SLC25A48: variants seen among roughly 807,000 people sequenced by gnomAD.
SLC25A48 encodes the protein CTC-321K16.1.
In SLC25A48, 29 loss-of-function variants were observed where a neutral mutation model predicts 32.2. The ratio of observed to expected loss-of-function variants is 0.90; its 90% confidence interval spans 0.67 to 1.23. The LOEUF (loss-of-function observed/expected upper bound fraction) is 1.23, where lower values mean the gene tolerates loss of function less well. SLC25A48 is among the 50% of genes most tolerant of loss of function. SLC25A48 has a pLI of 0.00. For missense variants in SLC25A48, 399 were observed against 422.7 expected (o/e 0.94, Z 0.49); for synonymous variants, 164 against 172.3 (o/e 0.95, Z 0.38).
At chr5:135,724,469 C>T (rs746557827) in intron 3 of SLC25A48, among the ~76,000 whole-genome samples, 9 of 152,202 alleles carry the variant, frequency 5.9e-5, no homozygotes, top group East Asian at 3.9e-4. Context: ...GTCTAAAGCT[C>T]GCAAGATGGG....
chr5:135,758,608 A>G lies in SLC25A48; in HGVS notation c.-520-53915A>G, dbSNP rs371826556. ...GAATAATATCTAGTGTTAACACACTATTATATTAATATGATATCATCTATG... is the reference window on the plus strand; with the variant it reads ...GAATAATATCTAGTGTTAACACACTGTTATATTAATATGATATCATCTATG... On this transcript the variant is annotated intron_variant, in intron 3 of 10. Transcript: ENST00000646290. Among the ~76,000 whole-genome samples the G allele has an allele frequency of 4.5e-4, 68 of 150,852 alleles. 1 individual carries two copies. In the South Asian group the frequency reaches 0.014, roughly 31 times the overall value.
intron 3 of SLC25A48, among the ~76,000 whole-genome samples, chr5:135,667,697 G>A (rs1428959722): frequency 1.3e-5 from 2 of 152,068 alleles, no homozygotes; most frequent in African/African-American, 4.8e-5. Context: ...CCTCTTCTTG[G>A]TTGACAGCAT....
intron 3 of SLC25A48, among the ~76,000 whole-genome samples, chr5:135,646,215 G>T (rs560337694): frequency 1.3e-5 from 2 of 152,232 alleles, no homozygotes; most frequent in Non-Finnish European, 2.9e-5. Flanking sequence ...GGTGTTGGTG[G>T]CATTCTCACT....
At chr5:135,801,541 T>C (rs1391789235) in intron 3 of SLC25A48, among the ~76,000 whole-genome samples, 1 of 151,112 alleles carries the variant, frequency 6.6e-6, no homozygotes. Flanking sequence ...AAGAAGATGA[T>C]ATTACTTCTT....
At chr5:135,814,817 G>A (rs1459929827) in intron 4 of SLC25A48, among the ~76,000 whole-genome samples, 2 of 152,322 alleles carry the variant, frequency 1.3e-5, no homozygotes, top group African/African-American at 4.8e-5. Flanking sequence ...ACAAGTCATC[G>A]TTTGTCTCAG....
chr5:135,864,053 T>C (rs184687479), intron 4 of SLC25A48, among the ~76,000 whole-genome samples: 13 of 152,152 alleles, frequency 8.5e-5, no homozygotes, highest in African/African-American at 1.4e-4. Context: ...GGGCCAGGAT[T>C]TGAGGTGAAG....
intron 3 of SLC25A48, among the ~76,000 whole-genome samples, chr5:135,715,850 T>G (rs1216111863): frequency 6.6e-6 from 1 of 152,202 alleles, no homozygotes; most frequent in African/African-American, 2.4e-5. Flanking sequence ...AGACCTGGCT[T>G]GACCAAGGTG....
intron 3 of SLC25A48, among the ~76,000 whole-genome samples, chr5:135,792,099 G>A (rs766346999): frequency 2.7e-4 from 41 of 151,512 alleles, no homozygotes; most frequent in Non-Finnish European, 5.2e-4. Context: ...GTGGGTGTAC[G>A]CCAAGTGTGT....
intron 3 of SLC25A48, chr5:135,652,396 G>GATTCACAAA: frequency 2.2e-6 from 1 of 456,164 alleles, no homozygotes. Context: ...ACCATCCATG[G>GATTCACAAA]ATTCACAAAA....
In SLC25A48 at chr5:135,874,102, A is replaced by T. The variant is rs560441620; in HGVS notation, c.761A>T (p.Tyr254Phe). ...LQADGVYLNK[Y>F]KGVLDCISQS... ...GCTGATGGGGTTTATTTAAACAAAT[A>T]TAAAGGTGTCCTGGACTGTATCTCC... Residue 254 changes from tyrosine to phenylalanine, a missense_variant, in exon 6 of 8, where the codon TAT (tyrosine) becomes TTT (phenylalanine). By Grantham distance (22) the Tyr-to-Phe change is conservative. Transcript: ENST00000681962. The T allele has an allele frequency of 6.6e-7, 1 of 1,521,206 alleles. No homozygotes were observed. Among genetic ancestry groups the T allele is most frequent in the South Asian group, 1.2e-5 (1 of 81,114 alleles). 94.2% of individuals were successfully genotyped at this position (1,521,206 alleles called of 1,614,324 possible).
At chr5:135,653,865 A>T (rs923882452) in intron 3 of SLC25A48, 21 of 456,116 alleles carry the variant, frequency 4.6e-5, no homozygotes, top group African/African-American at 2.6e-4. Flanking sequence ...TTGTTCCAGG[A>T]ATTGTATAGC....
intron 3 of SLC25A48, among the ~76,000 whole-genome samples, chr5:135,808,355 A>G (rs1229399100): frequency 1.3e-5 from 2 of 151,890 alleles, no homozygotes; most frequent in African/African-American, 4.8e-5. Flanking sequence ...ATCTGATAAT[A>G]TTAATTATAT....
rs1054091159 is a variant in SLC25A48, at chr5:135,604,562, C to T, written c.-848-24675C>T. ...TCTTTGGCAGTTTTTGCCTCTGGTT[C>T]CCTATGAATAGTCTGTTTCAGTGGG... On this transcript the variant is annotated intron_variant, in intron 1 of 10. Transcript: ENST00000646290. Among the ~76,000 whole-genome samples, 6 of 152,292 alleles carry T rather than the reference C, an allele frequency of 3.9e-5. No individual in the cohort carries two copies. In the South Asian group the frequency reaches 1.2e-3, roughly 32 times the overall value.
intron 3 of SLC25A48, among the ~76,000 whole-genome samples, chr5:135,715,093 C>A (rs1179479594): frequency 1.3e-5 from 2 of 152,070 alleles, no homozygotes; most frequent in Non-Finnish European, 2.9e-5. Flanking sequence ...CCTGGAGGCC[C>A]CAAGAAGGCT....
chr5:135,855,757 A>T (rs963960947), intron 4 of SLC25A48, among the ~76,000 whole-genome samples: 1 of 152,192 alleles, frequency 6.6e-6, no homozygotes, highest in Admixed American at 6.5e-5. Flanking sequence ...ATACGCATGT[A>T]TGTCTCATCC....
chr5:135,787,864 T>C (rs922269652), intron 3 of SLC25A48, among the ~76,000 whole-genome samples: 1 of 151,946 alleles, frequency 6.6e-6, no homozygotes, highest in Non-Finnish European at 1.5e-5. Flanking sequence ...ATTTTACTCC[T>C]AATGTCACAA....
intron 3 of SLC25A48, among the ~76,000 whole-genome samples, chr5:135,774,588 C>A (rs1329636029): frequency 6.6e-6 from 1 of 151,772 alleles, no homozygotes; most frequent in African/African-American, 2.4e-5. Flanking sequence ...CGGTTATACA[C>A]CCCTCTTCTG....
intron 4 of SLC25A48, among the ~76,000 whole-genome samples, chr5:135,867,508 C>T (rs1172521040): frequency 6.6e-6 from 1 of 152,124 alleles, no homozygotes; most frequent in African/African-American, 2.4e-5. Context: ...CTGGCAACCC[C>T]CCGGCTCTGC....
chr5:135,611,511 A>AAAAAAAAAAAAAAAAG, intron 1 of SLC25A48, among the ~76,000 whole-genome samples: 2 of 146,346 alleles, frequency 1.4e-5, no homozygotes, highest in African/African-American at 5.1e-5. Flanking sequence ...AAAAAAAAAA[A>AAAAAAAAAAAAAAAAG]AAAAAAAAAA....
Sources: allele counts gnomAD v4.1 joint callset (sites outside exome capture counted in the v4.1 genomes callset), GRCh38; gene constraint gnomAD v4.1.1; transcripts MANE v1.5; gene names NCBI Gene and HGNC (gene_info 2026-07-23, HGNC 2026-07-21).